Variants in REX1BD observed in about 807,000 individuals in gnomAD.
REX1BD encodes the protein required for excision 1-B domain-containing protein.
In REX1BD, 22 loss-of-function variants were observed where a neutral mutation model predicts 24.4. The ratio of observed to expected loss-of-function variants is 0.90; its 90% CI spans 0.64 to 1.29. REX1BD has a LOEUF of 1.29. Ranked by LOEUF, REX1BD falls within the 50% of genes most tolerant of loss-of-function variation. REX1BD has a pLI of 0.00. For missense variants in REX1BD, 293 were observed against 285.3 expected, an observed-to-expected ratio of 1.03 and a Z score of -0.19; for synonymous variants, 146 against 125.9, an observed-to-expected ratio of 1.16 and a Z score of -1.07.
At chr19:18,589,306 G>T in intron 2 of REX1BD, 107 bp from the exon 3 acceptor site, 1 of 1,543,034 alleles carries the variant, frequency 6.5e-7, no homozygotes, top group Non-Finnish European at 8.7e-7. Flanking sequence ...CTCCCCAAGA[G>T]CAGGGGTGGG....
intron 3 of REX1BD, chr19:18,590,613 C>T (rs1976020693): frequency 4.3e-6 from 2 of 462,040 alleles, no homozygotes; most frequent in Non-Finnish European, 7.8e-6. Context: ...TAAGACGTCA[C>T]TGTTGTTCCC....
intron 2 of REX1BD, 52 bp from the exon 3 acceptor site, chr19:18,589,361 C>T (rs1158632687): frequency 2.6e-6 from 4 of 1,550,300 alleles, no homozygotes; most frequent in Non-Finnish European, 3.5e-6. Flanking sequence ...GTCCTTCCTA[C>T]CTACCAGTCC....
intron 3 of REX1BD, 100 bp from the exon 4 acceptor site, chr19:18,590,754 G>A (rs1399380985): frequency 1.7e-6 from 2 of 1,193,474 alleles, no homozygotes; most frequent in East Asian, 2.6e-5. Context: ...CCCGGGCACT[G>A]CCTTTCTGGG....
chr19:18,591,092 C>CT, intron 4 of REX1BD, 159 bp downstream of exon 4: 1 of 628,232 alleles, frequency 1.6e-6, no homozygotes, highest in Non-Finnish European at 2.6e-6. Context: ...AGCCGTGAAA[C>CT]TTCACATCAG....
Position 18,590,620 on chromosome 19 carries a change from T to C in REX1BD, c.454-234T>C, listed in dbSNP as rs1016833919. On this transcript the variant is annotated intron_variant, in intron 3 of 4. Transcript: ENST00000358607. Reference sequence around the variant, plus strand: ...TGCCTGGCTAAGACGTCACTGTTGTTCCCAGGCCACGCCCACATCGCGCTC... The same window carrying C: ...TGCCTGGCTAAGACGTCACTGTTGTCCCCAGGCCACGCCCACATCGCGCTC... 8 of 480,014 alleles carry C rather than the reference T, an allele frequency of 1.7e-5. No individual in the cohort carries two copies. The East Asian group carries it at 3.1e-4, about 19-fold the overall frequency. The allele number at this position is 480,014 out of a possible 1,614,324, so 29.7% of individuals were successfully genotyped here.
Position 18,588,865 on chromosome 19 carries a change from G to C in REX1BD, c.64G>C (p.Glu22Gln). Residue 22 changes from glutamate to glutamine, a missense_variant, in exon 1 of 5, where the codon GAA becomes CAA. Physicochemically the swap from Glu to Gln is conservative, Grantham distance 29. Coordinates refer to ENST00000358607, the MANE Select transcript of REX1BD (RefSeq NM_001100418.2). Reference protein sequence around the residue: ...PAVPAAEEATEARGREEPAWP... With the variant: ...PAVPAAEEATQARGREEPAWP... ...AGTGCCTGCTGCTGAGGAGGCCACCGAAGCTCGGGGACGCGAGGAGCCGGC... is the reference window on the plus strand; with the variant it reads ...AGTGCCTGCTGCTGAGGAGGCCACCCAAGCTCGGGGACGCGAGGAGCCGGC... 6.5e-7 allele frequency: 1 copy of C among 1,532,986 alleles called. No homozygotes were observed. Among genetic ancestry groups the C allele is most frequent in the East Asian group, 2.5e-5 (1 of 40,664 alleles). 95.0% of individuals were successfully genotyped at this position (1,532,986 alleles called of 1,614,324 possible).
chr19:18,591,059 A>T, intron 4 of REX1BD, 126 bp downstream of exon 4: 2 of 842,292 alleles, frequency 2.4e-6, no homozygotes, highest in East Asian at 3.0e-5. Flanking sequence ...TGGCCCTCAG[A>T]TGTACACTTC....
Position 18,589,197 on chromosome 19 carries a change from G to A in REX1BD, c.182+120G>A, listed in dbSNP as rs1256588747. 4.7e-6 allele frequency: 7 copies of A among 1,498,046 alleles called. No individual in the cohort carries two copies. The East Asian group carries it at 1.2e-4, about 27-fold the overall frequency. 92.8% of individuals were successfully genotyped at this position (1,498,046 alleles called of 1,614,324 possible). On this transcript the variant is annotated intron_variant, in intron 2 of 4. Transcript: ENST00000358607. ...TCCTTGTGTGGCTGCAGAGTCAGAT[G>A]GGGCGGGGATTTCGGGGCACCGGGT...
Position 18,592,215 on chromosome 19 carries a change from G to T in REX1BD, c.*35G>T. 2 of 1,613,036 alleles carry T rather than the reference G, an allele frequency of 1.2e-6. No individual in the cohort carries two copies. The highest frequency in any genetic ancestry group is 1.7e-6 in the Non-Finnish European group (2 of 1,179,340). The stretch of plus-strand genomic sequence containing the variant: ...CCCAGGGATGCGCCGAGGGAGATGG[G>T]AAACGGGGCGGATGGCGCCCAGCCC... On this transcript the variant is annotated 3_prime_UTR_variant, in exon 5 of 5. Transcript: ENST00000358607.
chr19:18,589,367 A>G (rs1322271532), intron 2 of REX1BD, 46 bp from the exon 3 acceptor site: 4 of 1,550,940 alleles, frequency 2.6e-6, no homozygotes, highest in Non-Finnish European at 3.5e-6. Context: ...CCTACCTACC[A>G]GTCCTCCCCT....
At position 18,589,180 on chromosome 19, in the gene REX1BD, T is replaced by A. The variant is rs2074174; in HGVS notation, c.182+103T>A. 1 of 1,483,930 alleles carries A rather than the reference T, an allele frequency of 6.7e-7. No homozygotes were observed. Among genetic ancestry groups the A allele is most frequent in the East Asian group, 2.5e-5 (1 of 40,126 alleles). The allele number at this position is 1,483,930 out of a possible 1,614,324, so 91.9% of individuals were successfully genotyped here. On this transcript the variant is annotated intron_variant, in intron 2 of 4. Coordinates refer to ENST00000358607, the MANE Select transcript of REX1BD (RefSeq NM_001100418.2). The stretch of plus-strand genomic sequence containing the variant: ...CTGGAGGAGGAGCTGGGTCCTTGTG[T>A]GGCTGCAGAGTCAGATGGGGCGGGG...
At chr19:18,588,958 C>G (rs973533422) in intron 1 of REX1BD, 37 bp from the exon 2 acceptor site, 1 of 1,523,578 alleles carries the variant, frequency 6.6e-7, no homozygotes, top group African/African-American at 1.4e-5. Context: ...CCCAGGGGCG[C>G]GGGCTTCATG....
chr19:18,590,568 C>T, intron 3 of REX1BD: 2 of 335,806 alleles, frequency 6.0e-6, no homozygotes, highest in Middle Eastern at 8.3e-4. Context: ...GACCATGAGG[C>T]GCAACCTAAC....
At position 18,589,510 on chromosome 19, in the gene REX1BD, G is replaced by A. The variant is rs751199932; in HGVS notation, c.280G>A (p.Asp94Asn). ...GHRQYLRSGP[D>N]YDFARYRSTV... ...CCGCCAGTACCTGCGCAGCGGCCCTGACTACGACTTCGCGCGCTACCGGAG... is the reference window on the plus strand; with the variant it reads ...CCGCCAGTACCTGCGCAGCGGCCCTAACTACGACTTCGCGCGCTACCGGAG... The change falls in exon 3 of 5, where the codon GAC becomes AAC. Residue 94 changes from aspartate to asparagine, a missense_variant. By Grantham distance (23) the Asp-to-Asn change is conservative. Coordinates refer to ENST00000358607, the MANE Select transcript of REX1BD (RefSeq NM_001100418.2). 2 of 1,576,294 alleles carry A rather than the reference G, an allele frequency of 1.3e-6. No homozygotes were observed. The highest frequency in any genetic ancestry group is 1.1e-5 in the South Asian group (1 of 86,960).
intron 4 of REX1BD, chr19:18,591,815 G>C (rs973978309): frequency 4.9e-6 from 2 of 406,602 alleles, no homozygotes; most frequent in Non-Finnish European, 4.5e-6. Flanking sequence ...GGCTTGTTTT[G>C]AACTCCTGAC....
chr19:18,590,833 TG>T lies in REX1BD; in HGVS notation c.454-20del, dbSNP rs1976025315. On this transcript the variant is annotated intron_variant, in intron 3 of 4. Coordinates refer to ENST00000358607, the MANE Select transcript of REX1BD (RefSeq NM_001100418.2). ...GTTCTGCTCGTGGAGACATCCTTCG[TG>T]TTGCTCATTCCCCCACCAGGTGGCC... 1 of 1,595,158 alleles carries T rather than the reference TG, an allele frequency of 6.3e-7. No homozygotes were observed. The highest frequency in any genetic ancestry group is 8.5e-7 in the Non-Finnish European group (1 of 1,171,528).
intron 4 of REX1BD, 151 bp from the exon 5 acceptor site, chr19:18,591,957 G>A (rs1315263498): frequency 1.4e-5 from 11 of 794,608 alleles, no homozygotes; most frequent in Non-Finnish European, 2.3e-5. Flanking sequence ...TAGCACCTAA[G>A]TGTTCCCTCT....
rs1975993039 is a variant in REX1BD at position 18,589,539 on chromosome 19, A to C, written c.309A>C (p.Thr103=). 3 of 1,578,554 alleles carry C rather than the reference A, an allele frequency of 1.9e-6. No individual in the cohort carries two copies. In the African/African-American group the frequency reaches 4.0e-5, roughly 21 times the overall value. Reference sequence around the variant, plus strand: ...ACGACTTCGCGCGCTACCGGAGCACAGTGCACGGGGTGACCCAGGCCTTCG... The same window carrying C: ...ACGACTTCGCGCGCTACCGGAGCACCGTGCACGGGGTGACCCAGGCCTTCG... The part of the protein sequence containing the change: ...PDYDFARYRS[T]VHGVTQAFAA... The change falls in exon 3 of 5, where the codon ACA becomes ACC. Residue 103 remains threonine, a synonymous_variant. Coordinates refer to ENST00000358607, the MANE Select transcript of REX1BD (RefSeq NM_001100418.2).
Position 18,590,863 on chromosome 19 carries a change from C to A in REX1BD, c.463C>A (p.Leu155Met). The A allele has an allele frequency of 6.2e-7, 1 of 1,605,812 alleles. No homozygotes were observed. Among genetic ancestry groups the A allele is most frequent in the Non-Finnish European group, 8.5e-7 (1 of 1,176,724 alleles). The change falls in exon 4 of 5, where the codon CTG (leucine) becomes ATG (methionine). Residue 155 changes from leucine to methionine, a missense_variant. Leu to Met is a conservative substitution (Grantham distance 15). Coordinates refer to ENST00000358607, the MANE Select transcript of REX1BD (RefSeq NM_001100418.2). The part of the protein sequence containing the change: ...EQTRLGTVAL[L>M]QLMETPELAG... ...CTCATTCCCCCACCAGGTGGCCCTGCTGCAGTTGATGGAGACGCCAGAGCT... is the reference window on the plus strand; with the variant it reads ...CTCATTCCCCCACCAGGTGGCCCTGATGCAGTTGATGGAGACGCCAGAGCT...
Sources: gnomAD v4.1 joint callset for allele counts on GRCh38, gnomAD v4.1.1 for gene constraint, MANE v1.5 for transcripts, NCBI Gene and HGNC (gene_info 2026-07-23, HGNC 2026-07-21) for gene names.